Variants in FNBP1 observed in about 807,000 individuals in gnomAD.
FNBP1 encodes the protein formin-binding protein 1.
FNBP1 carries 26 observed loss-of-function variants against 90.6 expected under a neutral mutation model. The ratio of observed to expected loss-of-function variants is 0.29; its 90% confidence interval spans 0.21 to 0.40. FNBP1 has a LOEUF of 0.40. Among genes scored for constraint, FNBP1 ranks in the 10% least tolerant of loss-of-function variants. The pLI is 1.00. For missense variants in FNBP1, 635 were observed against 768.0 expected (o/e 0.83, Z 2.05); for synonymous variants, 260 against 265.2 (o/e 0.98, Z 0.19).
At chr9:130,003,859 G>C (rs533102943) in intron 1 of FNBP1, among the ~76,000 whole-genome samples, 1 of 147,638 alleles carries the variant, frequency 6.8e-6, no homozygotes, top group East Asian at 2.0e-4. Context: ...GGGAGGCAGA[G>C]CTTGCAGTGA....
intron 11 of FNBP1, 81 bp from the exon 12 acceptor site, chr9:129,909,080 TG>T (rs3215850): frequency 3.6e-6 from 3 of 839,448 alleles, no homozygotes; most frequent in African/African-American, 1.7e-5. Flanking sequence ...CCTGCAGCCA[TG>T]GGGGGTGCAG....
intron 1 of FNBP1, among the ~76,000 whole-genome samples, chr9:130,032,788 C>G (rs757217981): frequency 1.3e-5 from 2 of 151,500 alleles, no homozygotes; most frequent in Non-Finnish European, 2.9e-5. Context: ...ATTAATTCCC[C>G]CTAGAAAAAA....
chr9:129,974,812 AT>A (rs2050049300), intron 4 of FNBP1, among the ~76,000 whole-genome samples: 1 of 151,658 alleles, frequency 6.6e-6, no homozygotes, highest in Admixed American at 6.6e-5. Context: ...GTGAGCCATG[AT>A]CGCACCACTG....
intron 2 of FNBP1, among the ~76,000 whole-genome samples, chr9:129,982,111 G>A (rs2051350615): frequency 6.6e-6 from 1 of 152,168 alleles, no homozygotes; most frequent in Non-Finnish European, 1.5e-5. Flanking sequence ...TATGTTAAAA[G>A]CACAGTACAG....
At chr9:130,007,314 T>C (rs960282782) in intron 1 of FNBP1, among the ~76,000 whole-genome samples, 1 of 151,268 alleles carries the variant, frequency 6.6e-6, no homozygotes, top group African/African-American at 2.4e-5. Context: ...CATTTTCATA[T>C]TTTTATAACA....
intron 6 of FNBP1, among the ~76,000 whole-genome samples, chr9:129,951,551 C>G (rs928694731): frequency 6.6e-6 from 1 of 151,946 alleles, no homozygotes; most frequent in African/African-American, 2.4e-5. Context: ...AAGTGATCCT[C>G]GCATTTCACC....
At chr9:129,989,214 C>A (rs764099308) in intron 2 of FNBP1, among the ~76,000 whole-genome samples, 1 of 152,214 alleles carries the variant, frequency 6.6e-6, no homozygotes. Flanking sequence ...GTCATACATG[C>A]TATCTTTAAA....
In FNBP1 at chr9:129,900,486, C is replaced by T. The variant is rs374564198; in HGVS notation, c.1490G>A (p.Ser497Asn). Residue 497 changes from serine (S) to asparagine (N), a missense_variant, in exon 14 of 17, where the codon AGC becomes AAC. Ser to Asn is a conservative substitution (Grantham distance 46). Coordinates refer to ENST00000446176, the MANE Select transcript of FNBP1 (RefSeq NM_015033.3). This position sits in a 1 kb window ranked among gnomAD's most constrained non-coding sequence, Gnocchi z 4.1. ...PARSEQARRQ[S>N]GLYDSQNPPT... ...TGGGTTCTGGCTGTCGTACAGTCCG[C>T]TCTGCCGGCGCGCCTGCTCGCTGCG... The T allele has an allele frequency of 1.9e-6, 3 of 1,602,996 alleles. No individual in the cohort carries two copies. The African/African-American group carries it at 4.0e-5, about 22-fold the overall frequency.
At position 129,905,294 on chromosome 9, in the gene FNBP1, G is replaced by GTATATA. The variant is rs56217495; in HGVS notation, c.1296-2299_1296-2294dup. ...TTGAATTGTGTGTGTGTGTGTGTGT[G>GTATATA]TATATATATATATATATATTTTGTT... On this transcript the variant is annotated intron_variant, in intron 12 of 16. Transcript: ENST00000446176. Among the ~76,000 whole-genome samples the GTATATA allele has an allele frequency of 7.6e-3, 1,009 of 132,332 alleles. 17 individuals are homozygous for GTATATA. The highest frequency in any genetic ancestry group is 0.024 in the African/African-American group (841 of 34,698). The allele number at this position is 132,332 out of a possible 152,430, so 86.8% of individuals were successfully genotyped here.
intron 12 of FNBP1, among the ~76,000 whole-genome samples, chr9:129,903,898 G>A (rs144459987): frequency 1.4e-4 from 21 of 152,234 alleles, no homozygotes; most frequent in Non-Finnish European, 2.6e-4. Context: ...TTAGCCAGGC[G>A]TGATGGCATG....
chr9:129,956,944 G>A (rs1418761173), intron 6 of FNBP1, among the ~76,000 whole-genome samples: 2 of 151,916 alleles, frequency 1.3e-5, no homozygotes, highest in East Asian at 1.9e-4. Context: ...CCCATGTAGC[G>A]CCTTTTGTGG....
chr9:129,950,496 C>T (rs2045994372), intron 6 of FNBP1, among the ~76,000 whole-genome samples: 1 of 152,180 alleles, frequency 6.6e-6, no homozygotes, highest in Non-Finnish European at 1.5e-5. Flanking sequence ...TCAGCAAGTG[C>T]ACTTTTTAAA....
chr9:129,968,999 T>C (rs889609291), intron 4 of FNBP1, among the ~76,000 whole-genome samples: 2 of 152,194 alleles, frequency 1.3e-5, no homozygotes, highest in African/African-American at 2.4e-5. Flanking sequence ...GTAATCGCTG[T>C]GGAAAAGCCC....
intron 6 of FNBP1, among the ~76,000 whole-genome samples, chr9:129,956,639 T>C (rs1056979001): frequency 6.6e-6 from 1 of 152,128 alleles, no homozygotes; most frequent in Non-Finnish European, 1.5e-5. Flanking sequence ...AGGAATCAAT[T>C]AGAAGTCAGG....
intron 4 of FNBP1, among the ~76,000 whole-genome samples, chr9:129,967,874 A>AT (rs957745137): frequency 7.9e-5 from 12 of 151,542 alleles, no homozygotes; most frequent in African/African-American, 2.2e-4. Flanking sequence ...TTAAAAAGAA[A>AT]TTTTTTTTTG....
chr9:130,051,938 T>A, the FNBP1 span, among the ~76,000 whole-genome samples: 1 of 152,220 alleles, frequency 6.6e-6, no homozygotes, highest in Non-Finnish European at 1.5e-5. Context: ...AAGTGTAATG[T>A]CCCTTTGAAA....
intron 11 of FNBP1, chr9:129,915,051 G>C (rs2040050853): frequency 8.6e-6 from 2 of 233,702 alleles, no homozygotes; most frequent in Non-Finnish European, 9.0e-6. Context: ...AAAACACTGA[G>C]TGAATAATTC....
At chr9:129,988,007 C>T (rs1564511780) in intron 2 of FNBP1, among the ~76,000 whole-genome samples, 1 of 151,922 alleles carries the variant, frequency 6.6e-6, no homozygotes, top group Non-Finnish European at 1.5e-5. Flanking sequence ...TTTTTAAAAC[C>T]ATAAATGGCT....
intron 2 of FNBP1, among the ~76,000 whole-genome samples, chr9:129,990,359 C>T (rs1405644735): frequency 1.3e-5 from 2 of 152,128 alleles, no homozygotes; most frequent in Admixed American, 6.6e-5. Context: ...GTGGGCCTCA[C>T]TGAGCAGAAA....
Sources: gnomAD v4.1 joint callset for allele counts (sites outside exome capture counted in the v4.1 genomes callset) on GRCh38, gnomAD v4.1.1 for gene constraint, Gnocchi (gnomAD v3.1) non-coding constraint, MANE v1.5 for transcripts, NCBI Gene and HGNC (gene_info 2026-07-23, HGNC 2026-07-21) for gene names.